Variants in FRMD7 observed in about 807,000 individuals in gnomAD.
FRMD7 encodes FERM domain-containing protein 7.
Under a neutral mutation model 44.1 loss-of-function variants are expected in FRMD7, and 14 were observed. The observed-to-expected ratio is 0.32, with a 90% confidence interval of 0.21 to 0.50. The LOEUF (loss-of-function observed/expected upper bound fraction) is 0.50, where lower values mean the gene tolerates loss of function less well. Among genes scored for constraint, FRMD7 ranks in the 20% least tolerant of loss-of-function variants. FRMD7 has a pLI of 0.99. For synonymous variants in FRMD7, 212 were observed against 187.4 expected, an observed-to-expected ratio of 1.13 and a Z score of -1.07; for missense variants, 501 against 522.3, an observed-to-expected ratio of 0.96 and a Z score of 0.40.
At chrX:132,117,625 G>A (rs1928933856) in intron 1 of FRMD7, among the ~76,000 whole-genome samples, 1 of 111,466 alleles carries the variant, frequency 9.0e-6, no homozygotes, top group African/African-American at 3.3e-5. Context: ...AAGAAATAAG[G>A]TACTCCTAAT....
In FRMD7 at chrX:132,077,746, C is replaced by A; in HGVS notation, c.*126G>T. ...CTGGATCTTTCATAAGGCAGGCATC[C>A]AAAATGAGATTTCCTTAATACCAAT... On this transcript the variant is annotated 3_prime_UTR_variant, in exon 12 of 12. Transcript: ENST00000298542. 8 of 999,762 alleles carry A rather than the reference C, an allele frequency of 8.0e-6. No individual in the cohort carries two copies. Among genetic ancestry groups the A allele is most frequent in the Non-Finnish European group, 1.1e-5 (8 of 731,813 alleles). 82.4% of individuals were successfully genotyped at this position (999,762 alleles called of 1,213,427 possible).
intron 1 of FRMD7, among the ~76,000 whole-genome samples, chrX:132,111,283 A>T: frequency 9.0e-6 from 1 of 110,710 alleles, no homozygotes; most frequent in Non-Finnish European, 1.9e-5. Flanking sequence ...TTATTTTGAG[A>T]CTGAGTTATA....
At position 132,081,286 on chromosome X, in the gene FRMD7, C is replaced by T. The variant is rs185683874; in HGVS notation, c.906-1020G>A. ...GGCGGAGATTGCAGTGAGCCGAGAT[C>T]GCGCCACTGCACTCCAGCCTGGGTG... On this transcript the variant is annotated intron_variant, in intron 9 of 11. Transcript: ENST00000298542. Among the ~76,000 whole-genome samples the T allele has an allele frequency of 6.2e-3, 691 of 111,429 alleles. 5 individuals are homozygous for T. The highest frequency in any genetic ancestry group is 0.021 in the African/African-American group (646 of 30,625).
chrX:132,088,755 A>G (rs1008678943), intron 5 of FRMD7, among the ~76,000 whole-genome samples: 4 of 111,758 alleles, frequency 3.6e-5, no homozygotes, highest in African/African-American at 6.5e-5. Flanking sequence ...GCATCAAAAA[A>G]GAATAAAATA....
Position 132,078,054 on chromosome X carries a change from A to G in FRMD7, c.1963T>C (p.Ser655Pro), listed in dbSNP as rs1219801508. 1 of 1,209,444 alleles carries G rather than the reference A, an allele frequency of 8.3e-7. No homozygotes were observed. The highest frequency in any genetic ancestry group is 1.8e-5 in the African/African-American group (1 of 57,059). ...TAGTAGTCTGGTTTAAGAATCTCTG[A>G]TTCAGAATCACTGGATTCACTAGCT... is the stretch of plus-strand genomic sequence containing the variant. The part of the protein sequence containing the change: ...YVASESSDSE[S>P]EILKPDYYAL... Residue 655 changes from serine (S) to proline (P), a missense_variant, in exon 12 of 12, where the codon TCA (serine) becomes CCA (proline). Physicochemically the swap from Ser to Pro is moderately conservative, Grantham distance 74. Transcript: ENST00000298542.
At chrX:132,097,744 A>G (rs1382655452) in intron 3 of FRMD7, among the ~76,000 whole-genome samples, 1 of 112,250 alleles carries the variant, frequency 8.9e-6, no homozygotes, top group East Asian at 2.8e-4. Context: ...GGTGTACATT[A>G]CCAAGCCTAA....
chrX:132,109,238 A>G (rs1928720681), intron 1 of FRMD7, among the ~76,000 whole-genome samples: 1 of 111,990 alleles, frequency 8.9e-6, no homozygotes, highest in Non-Finnish European at 1.9e-5. Flanking sequence ...AGTCTCAGCC[A>G]TAACAGCCAT....
intron 1 of FRMD7, among the ~76,000 whole-genome samples, chrX:132,110,862 A>G (rs766701033): frequency 1.8e-5 from 2 of 112,512 alleles, no homozygotes; most frequent in South Asian, 7.4e-4. Context: ...CCTTCTGACA[A>G]CCTATTTTGT....
At chrX:132,097,927 G>A (rs1437514778) in intron 3 of FRMD7, among the ~76,000 whole-genome samples, 7 of 112,655 alleles carry the variant, frequency 6.2e-5, no homozygotes, top group Non-Finnish European at 1.3e-4. Flanking sequence ...ATTTGTTGGT[G>A]CCCATTATCT....
At chrX:132,082,084 A>G (rs1052364118) in intron 9 of FRMD7, among the ~76,000 whole-genome samples, 14 of 112,152 alleles carry the variant, frequency 1.2e-4, no homozygotes, top group African/African-American at 4.5e-4. Flanking sequence ...AGGAGAAACA[A>G]TGGGTTTATA....
chrX:132,079,895 C>G, intron 11 of FRMD7, 111 bp downstream of exon 11: 2 of 607,436 alleles, frequency 3.3e-6, no homozygotes, highest in Admixed American at 4.5e-5. Flanking sequence ...CCTACTCAAA[C>G]AGAGTAACCT....
chrX:132,100,044 G>C (rs1422487915), intron 2 of FRMD7, among the ~76,000 whole-genome samples: 2 of 112,241 alleles, frequency 1.8e-5, no homozygotes, highest in Non-Finnish European at 3.8e-5. Flanking sequence ...TCCAGGCTCT[G>C]GAAAGGCAAA....
chrX:132,082,731 T>G (rs1438309744), intron 8 of FRMD7, among the ~76,000 whole-genome samples: 3 of 112,027 alleles, frequency 2.7e-5, no homozygotes, highest in African/African-American at 9.7e-5. Flanking sequence ...AAACAGAGCC[T>G]TCTCTAAGAA....
At chrX:132,122,862 T>C (rs1929069522) in intron 1 of FRMD7, among the ~76,000 whole-genome samples, 1 of 112,131 alleles carries the variant, frequency 8.9e-6, no homozygotes, top group African/African-American at 3.2e-5. Flanking sequence ...AACCCTTCAG[T>C]GGTCTCTGCC....
intron 9 of FRMD7, among the ~76,000 whole-genome samples, chrX:132,082,139 G>C (rs773831386): frequency 5.4e-4 from 60 of 112,090 alleles, no homozygotes; most frequent in African/African-American, 1.5e-3. Context: ...TCCTTGCTGA[G>C]ACTCTGATCC....
intron 5 of FRMD7, among the ~76,000 whole-genome samples, chrX:132,089,270 T>C (rs1928093688): frequency 8.9e-6 from 1 of 112,078 alleles, no homozygotes; most frequent in Non-Finnish European, 1.9e-5. Context: ...TCAACAAATG[T>C]TGCTAGGACA....
intron 2 of FRMD7, 81 bp from the exon 3 acceptor site, chrX:132,099,591 A>T: frequency 1.4e-6 from 1 of 692,920 alleles, no homozygotes; most frequent in Non-Finnish European, 2.3e-6. Flanking sequence ...ATAAAGATTA[A>T]CATGAAATAA....
At chrX:132,097,186 C>A in intron 4 of FRMD7, 80 bp downstream of exon 4, 1 of 754,846 alleles carries the variant, frequency 1.3e-6, no homozygotes, top group Non-Finnish European at 2.1e-6. Context: ...TGAGAATGGC[C>A]AGAAGCACTT....
At chrX:132,106,422 G>A (rs1928648609) in intron 1 of FRMD7, among the ~76,000 whole-genome samples, 1 of 112,084 alleles carries the variant, frequency 8.9e-6, no homozygotes, top group Non-Finnish European at 1.9e-5. Context: ...TACACTGTTG[G>A]TGGGAGTGTA....
Sources: allele counts gnomAD v4.1 joint callset (sites outside exome capture counted in the v4.1 genomes callset), GRCh38; gene constraint gnomAD v4.1.1; transcripts MANE v1.5; gene names NCBI Gene and HGNC (gene_info 2026-07-23, HGNC 2026-07-21).